KASH5: variants seen among roughly 807,000 people sequenced by gnomAD.
The protein encoded by KASH5 is KASH domain containing 5.
A neutral mutation model predicts 84.2 loss-of-function variants in KASH5; 72 were observed. The ratio of observed to expected loss-of-function variants is 0.85; its 90% CI spans 0.71 to 1.04. The LOEUF (loss-of-function observed/expected upper bound fraction) is 1.04, where lower values mean the gene tolerates loss of function less well. Ranked by LOEUF, KASH5 falls within the 50% of genes least tolerant of loss-of-function variation. KASH5 has a pLI of 0.00. For synonymous variants in KASH5, 260 were observed against 279.1 expected (o/e 0.93, Z 0.68); for missense variants, 650 against 701.0 (o/e 0.93, Z 0.82).
Position 49,407,656 on chromosome 19 carries a change from C to T in KASH5, c.978C>T (p.Tyr326=). 6.2e-7 allele frequency: 1 copy of T among 1,604,862 alleles called. No homozygotes were observed. Residue 326 remains tyrosine (Y), a synonymous_variant, in exon 12 of 20, where the codon TAC becomes TAT. Coordinates refer to ENST00000447857, the MANE Select transcript of KASH5 (RefSeq NM_144688.5). ...VESLAQTLEE[Y]RVTTQELRLE... is the part of the protein sequence containing the mutation. ...GCCTGGCCCAGACCCTGGAAGAATA[C>T]AGAGTGACGACGCAGGTAACTCAGC... is the stretch of plus-strand genomic sequence containing the variant.
In KASH5 at chr19:49,397,997, C is replaced by G; in HGVS notation, c.483C>G (p.Asp161Glu). 1 of 1,613,900 alleles carries G rather than the reference C, an allele frequency of 6.2e-7. No homozygotes were observed. Among genetic ancestry groups the G allele is most frequent in the Admixed American group, 1.7e-5 (1 of 60,016 alleles). ...DPRPELQATADLLSSLEDLEL... is the reference protein window; with the variant it reads ...DPRPELQATAELLSSLEDLEL... ...TTGCCCCTAGACAAGCCACAGCTGA[C>G]CTGCTGAGCAGCCTGGAGGACCTGG... Residue 161 changes from aspartate (D) to glutamate (E), a missense_variant, in exon 7 of 20, where the codon GAC (aspartate) becomes GAG (glutamate). Asp to Glu is a conservative substitution (Grantham distance 45, BLOSUM62 2). Coordinates refer to ENST00000447857, the MANE Select transcript of KASH5 (RefSeq NM_144688.5).
Position 49,395,745 on chromosome 19 carries a change from C to T in KASH5, c.336-24C>T. On this transcript the variant is annotated intron_variant, in intron 4 of 19. Transcript: ENST00000447857. This position sits in a 1 kb window ranked among gnomAD's most constrained non-coding sequence, Gnocchi z 4.4. Reference sequence around the variant, plus strand: ...ACTGAGGGGCAGCTACAGTGGGGCGCTAAGCCTCATCCCTTTGATACAGGG... The same window carrying T: ...ACTGAGGGGCAGCTACAGTGGGGCGTTAAGCCTCATCCCTTTGATACAGGG... 6.4e-7 allele frequency: 1 copy of T among 1,551,274 alleles called. No individual in the cohort carries two copies.
Position 49,417,002 on chromosome 19 carries a change from T to C in KASH5, c.1375-13T>C, listed in dbSNP as rs1255211548. Reference sequence around the variant, plus strand: ...AACCCGGTGCCTCCAACGCATCTCTTCTGTCCTTGCAGGCTGATCTCCCTG... The same window carrying C: ...AACCCGGTGCCTCCAACGCATCTCTCCTGTCCTTGCAGGCTGATCTCCCTG... On this transcript the variant is annotated splice_polypyrimidine_tract_variant and intron_variant, in intron 17 of 19. Transcript: ENST00000447857. The surrounding 1 kb of genome is among the most constrained non-coding windows in gnomAD (Gnocchi z 5.2). The C allele has an allele frequency of 2.5e-6, 4 of 1,577,874 alleles. No homozygotes were observed. Among genetic ancestry groups the C allele is most frequent in the Non-Finnish European group, 2.6e-6 (3 of 1,162,552 alleles).
rs1974149863 is a variant in KASH5, at chr19:49,395,622, T to C, written c.336-147T>C. ...TGCTTTTCCATCTGGCCACGGGCAC[T>C]TGCCATCTGGCCTCACCCTCCTACC... On this transcript the variant is annotated intron_variant, in intron 4 of 19. Transcript: ENST00000447857. The surrounding 1 kb of genome is among the most constrained non-coding windows in gnomAD (Gnocchi z 4.4). 1 of 778,850 alleles carries C rather than the reference T, an allele frequency of 1.3e-6. No homozygotes were observed. The highest frequency in any genetic ancestry group is 1.7e-5 in the African/African-American group (1 of 58,222). 48.2% of individuals were successfully genotyped at this position (778,850 alleles called of 1,614,324 possible). A position where few individuals can be genotyped will look rare whatever the true frequency, so the allele number is the denominator to read the frequency against.
At chr19:49,393,723 A>T (rs969473155) in intron 2 of KASH5, 1 of 100,616 alleles carries the variant, frequency 9.9e-6, no homozygotes, top group Admixed American at 9.4e-5. Context: ...GTGTGTGTAC[A>T]TGCGTGTGCT....
intron 17 of KASH5, chr19:49,415,409 C>A: frequency 3.2e-6 from 1 of 312,530 alleles, no homozygotes; most frequent in South Asian, 2.9e-5. Flanking sequence ...TGCCTGCAGC[C>A]ACACAGGCCA....
Position 49,417,726 on chromosome 19 carries a change from T to C in KASH5, c.*216T>C. 1 of 566,754 alleles carries C rather than the reference T, an allele frequency of 1.8e-6. No homozygotes were observed. Among genetic ancestry groups the C allele is most frequent in the Non-Finnish European group, 2.8e-6 (1 of 362,694 alleles). 35.1% of individuals were successfully genotyped at this position (566,754 alleles called of 1,614,324 possible). A position where few individuals can be genotyped will look rare whatever the true frequency, so the allele number is the denominator to read the frequency against. On this transcript the variant is annotated 3_prime_UTR_variant, in exon 20 of 20. Transcript: ENST00000447857. This position sits in a 1 kb window ranked among gnomAD's most constrained non-coding sequence, Gnocchi z 5.2. ...ACTCCCCCAGTAATGGATTAAGCAC[T>C]AAGGATTATTCCCTCACAAAACAAG...
At chr19:49,398,200 G>A in intron 7 of KASH5, 57 bp downstream of exon 7, 2 of 1,463,780 alleles carry the variant, frequency 1.4e-6, no homozygotes, top group South Asian at 1.4e-5. Context: ...CCTCCCTGCA[G>A]CAGCCGGCCT....
In KASH5 at chr19:49,399,775, G is replaced by A; in HGVS notation, c.798+268G>A. The stretch of plus-strand genomic sequence containing the variant: ...TGCCTCCCTTCTCTGTGCCTCAGTT[G>A]CCTCACCTATAAAGATGAACAAAAC... On this transcript the variant is annotated intron_variant, in intron 9 of 19. Coordinates refer to ENST00000447857, the MANE Select transcript of KASH5 (RefSeq NM_144688.5). This position sits in a 1 kb window ranked among gnomAD's most constrained non-coding sequence, Gnocchi z 4.4. 1.2e-6 allele frequency: 1 copy of A among 832,448 alleles called. No homozygotes were observed. The highest frequency in any genetic ancestry group is 1.7e-5 in the African/African-American group (1 of 58,780). The allele number at this position is 832,448 out of a possible 1,614,324, so 51.6% of individuals were successfully genotyped here.
Position 49,417,567 on chromosome 19 carries a change from C to A in KASH5, c.*57C>A. The stretch of plus-strand genomic sequence containing the variant: ...AGCTCAATAAATCCCCTGGCCCTCT[C>A]TCCACTGGGATCCCCATTGTTAGTC... On this transcript the variant is annotated 3_prime_UTR_variant, in exon 20 of 20. Coordinates refer to ENST00000447857, the MANE Select transcript of KASH5 (RefSeq NM_144688.5). The surrounding 1 kb of genome is among the most constrained non-coding windows in gnomAD (Gnocchi z 5.2). 6.8e-7 allele frequency: 1 copy of A among 1,462,788 alleles called. No homozygotes were observed. The highest frequency in any genetic ancestry group is 9.1e-7 in the Non-Finnish European group (1 of 1,102,242). 90.6% of individuals were successfully genotyped at this position (1,462,788 alleles called of 1,614,324 possible). A position where few individuals can be genotyped will look rare whatever the true frequency, so the allele number is the denominator to read the frequency against.
At chr19:49,390,493 G>A (rs765975703) in intron 1 of KASH5, among the ~76,000 whole-genome samples, 10 of 152,164 alleles carry the variant, frequency 6.6e-5, no homozygotes, top group Admixed American at 1.3e-4. Context: ...GGGGATAGGA[G>A]GCTGGGACAA....
intron 17 of KASH5, chr19:49,415,545 A>C (rs1974878146): frequency 5.7e-6 from 1 of 175,258 alleles, no homozygotes; most frequent in African/African-American, 2.4e-5. Context: ...GGAATGCAGG[A>C]GCTGGGCTGG....
Position 49,398,136 on chromosome 19 carries a change from C to A in KASH5, c.622C>A (p.Leu208Ile), listed in dbSNP as rs1300712986. ...GGAGATCTTGGCTCTGCGTAAGCAGCTTCACAGGTGGGCTGGATGCCACAC... is the reference window on the plus strand; with the variant it reads ...GGAGATCTTGGCTCTGCGTAAGCAGATTCACAGGTGGGCTGGATGCCACAC... ...GEEILALRKQ[L>I]HSTQQALQFA... Residue 208 changes from leucine to isoleucine, a missense_variant, in exon 7 of 20, where the codon CTT becomes ATT. By Grantham distance (5) the Leu-to-Ile change is conservative. Coordinates refer to ENST00000447857, the MANE Select transcript of KASH5 (RefSeq NM_144688.5). 2.5e-6 allele frequency: 4 copies of A among 1,577,434 alleles called. No homozygotes were observed. Among genetic ancestry groups the A allele is most frequent in the Admixed American group, 1.7e-5 (1 of 58,230 alleles).
intron 7 of KASH5, 39 bp from the exon 8 acceptor site, chr19:49,398,986 T>G (rs1409842000): frequency 6.9e-7 from 1 of 1,456,420 alleles, no homozygotes; most frequent in South Asian, 1.2e-5. Flanking sequence ...TCTGCCTTCC[T>G]CCCTCTCGTA....
chr19:49,411,977 A>ACC (rs1974734984), intron 15 of KASH5, among the ~76,000 whole-genome samples: 5 of 137,504 alleles, frequency 3.6e-5, no homozygotes, highest in African/African-American at 1.6e-4. Context: ...GGAAGGAAAG[A>ACC]AGGAAGCCAG....
Position 49,417,455 on chromosome 19 carries a change from C to A in KASH5, c.1634C>A (p.Pro545Gln). 1 of 1,554,644 alleles carries A rather than the reference C, an allele frequency of 6.4e-7. No homozygotes were observed. Among genetic ancestry groups the A allele is most frequent in the East Asian group, 2.4e-5 (1 of 41,220 alleles). ...LLSVLLLGPS[P>Q]PPTWPHLQLC... is the part of the protein sequence containing the mutation. ...TCTGTCCTGCTGCTTGGCCCGTCCCCACCTCCCACCTGGCCCCACCTCCAG... is the reference window on the plus strand; with the variant it reads ...TCTGTCCTGCTGCTTGGCCCGTCCCAACCTCCCACCTGGCCCCACCTCCAG... The change falls in exon 20 of 20, where the codon CCA (proline) becomes CAA (glutamine). Residue 545 changes from proline to glutamine, a missense_variant. By Grantham distance (76) the Pro-to-Gln change is moderately conservative (BLOSUM62 -1). Transcript: ENST00000447857. This position sits in a 1 kb window ranked among gnomAD's most constrained non-coding sequence, Gnocchi z 5.2.
At chr19:49,405,550 G>A (rs138916134) in intron 9 of KASH5, among the ~76,000 whole-genome samples, 2 of 152,152 alleles carry the variant, frequency 1.3e-5, no homozygotes, top group East Asian at 3.9e-4. Flanking sequence ...TATGATAGTG[G>A]TATTGTGGTT....
At chr19:49,407,900 T>C (rs1447008580) in intron 12 of KASH5, among the ~76,000 whole-genome samples, 3 of 152,170 alleles carry the variant, frequency 2.0e-5, no homozygotes, top group Non-Finnish European at 4.4e-5. Context: ...GGGTGTCTTC[T>C]CACACACCTC....
At chr19:49,406,128 CAAAAA>C (rs36100015) in intron 9 of KASH5, among the ~76,000 whole-genome samples, 3 of 97,726 alleles carry the variant, frequency 3.1e-5, no homozygotes, top group African/African-American at 1.1e-4. Flanking sequence ...AACTCTGGCT[CAAAAA>C]AAAAAAAAAA....
Sources: allele counts gnomAD v4.1 joint callset (sites outside exome capture counted in the v4.1 genomes callset), GRCh38; gene constraint gnomAD v4.1.1; non-coding constraint Gnocchi (gnomAD v3.1); transcripts MANE v1.5; gene names NCBI Gene and HGNC (gene_info 2026-07-23, HGNC 2026-07-21).